Variants in SPAG9 observed in about 807,000 individuals in gnomAD.
SPAG9 encodes the protein C-Jun-amino-terminal kinase-interacting protein 4.
Under a neutral mutation model 166.5 loss-of-function variants are expected in SPAG9, and 35 were observed. The ratio of observed to expected loss-of-function variants is 0.21; its 90% CI spans 0.16 to 0.28. SPAG9 has a LOEUF of 0.28. Ranked by LOEUF, SPAG9 falls within the 10% of genes least tolerant of loss-of-function variation. SPAG9 has a pLI of 1.00. For missense variants in SPAG9, 1,235 were observed against 1,603.3 expected, an observed-to-expected ratio of 0.77 and a Z score of 3.92; for synonymous variants, 534 against 565.5, an observed-to-expected ratio of 0.94 and a Z score of 0.79.
At chr17:51,088,204 C>G (rs1047793748) in intron 1 of SPAG9, among the ~76,000 whole-genome samples, 3 of 152,168 alleles carry the variant, frequency 2.0e-5, no homozygotes, top group Admixed American at 6.5e-5. Flanking sequence ...AGTTAAGAGA[C>G]TAGGAAAAAG....
At chr17:51,058,842 C>T (rs1423445580) in intron 2 of SPAG9, among the ~76,000 whole-genome samples, 1 of 152,198 alleles carries the variant, frequency 6.6e-6, no homozygotes, top group Non-Finnish European at 1.5e-5. Context: ...TACACCGTAA[C>T]TTGGTATGCC....
chr17:50,995,670 T>C, intron 16 of SPAG9, 137 bp from the exon 17 acceptor site: 1 of 634,520 alleles, frequency 1.6e-6, no homozygotes, highest in Non-Finnish European at 2.8e-6. Context: ...TTTTTTGTTT[T>C]TTTGTTTTTT....
Position 50,985,707 on chromosome 17 carries a change from A to T in SPAG9, c.3011T>A (p.Leu1004His). Residue 1004 changes from leucine (L) to histidine (H), a missense_variant, in exon 23 of 30, where the codon CTC becomes CAC. By Grantham distance (99) the Leu-to-His change is moderately conservative. Transcript: ENST00000262013. ...CCAAAATAAAACTTACACAATACTGAGAATCGAATCTTTAAGTTTAATGGA... is the reference window on the plus strand; with the variant it reads ...CCAAAATAAAACTTACACAATACTGTGAATCGAATCTTTAAGTTTAATGGA... ...LHSIKLKDSI[L>H]SIVHVKGIVL... The T allele has an allele frequency of 6.3e-7, 1 of 1,585,892 alleles. No individual in the cohort carries two copies. Among genetic ancestry groups the T allele is most frequent in the Admixed American group, 1.7e-5 (1 of 59,670 alleles).
At chr17:51,012,847 A>T (rs1335818389) in intron 9 of SPAG9, among the ~76,000 whole-genome samples, 4 of 151,398 alleles carry the variant, frequency 2.6e-5, no homozygotes, top group African/African-American at 7.3e-5. Flanking sequence ...TCCCGGGTTC[A>T]AGCCATCCTC....
intron 11 of SPAG9, among the ~76,000 whole-genome samples, chr17:51,005,471 AAAT>A (rs1400957014): frequency 6.6e-6 from 1 of 152,224 alleles, no homozygotes; most frequent in Admixed American, 6.5e-5. Flanking sequence ...TGGGATAAAA[AAAT>A]AATGTTTTAA....
At chr17:51,066,617 G>GCAAA (rs2047678791) in intron 2 of SPAG9, among the ~76,000 whole-genome samples, 1 of 149,298 alleles carries the variant, frequency 6.7e-6, no homozygotes, top group Non-Finnish European at 1.5e-5. Flanking sequence ...AGCACTTTGG[G>GCAAA]AGGCCAAGGT....
intron 1 of SPAG9, among the ~76,000 whole-genome samples, chr17:51,095,946 T>G (rs1271009670): frequency 4.8e-4 from 29 of 60,382 alleles, no homozygotes; most frequent in African/African-American, 3.3e-3. Flanking sequence ...GTGATATAGT[T>G]ATATATATAG....
At chr17:51,029,806 G>A (rs2046321185) in intron 6 of SPAG9, among the ~76,000 whole-genome samples, 1 of 152,174 alleles carries the variant, frequency 6.6e-6, no homozygotes, top group Admixed American at 6.5e-5. Context: ...CAGAGTTTTA[G>A]ATTTGCAAGA....
intron 9 of SPAG9, chr17:51,009,038 A>C (rs2045346153): frequency 5.3e-6 from 2 of 374,788 alleles, no homozygotes. Flanking sequence ...AGTTGAGCAG[A>C]AAAAAATGAT....
chr17:51,031,474 T>G (rs2046382318), intron 6 of SPAG9: 1 of 562,568 alleles, frequency 1.8e-6, no homozygotes, highest in African/African-American at 1.9e-5. Context: ...TAAAAATGCT[T>G]ACTTTGGGGA....
chr17:50,977,790 G>A (rs1474835767), intron 26 of SPAG9, among the ~76,000 whole-genome samples: 1 of 152,100 alleles, frequency 6.6e-6, no homozygotes, highest in Non-Finnish European at 1.5e-5. Flanking sequence ...AGGCTGAGGT[G>A]GGAGGGTCAC....
intron 1 of SPAG9, among the ~76,000 whole-genome samples, chr17:51,101,442 C>A (rs2048805633): frequency 6.6e-6 from 1 of 150,874 alleles, no homozygotes; most frequent in Admixed American, 6.6e-5. Flanking sequence ...GTTTTGCCAT[C>A]ATCTGATGCC....
intron 6 of SPAG9, among the ~76,000 whole-genome samples, chr17:51,026,008 T>C (rs1323990271): frequency 6.6e-6 from 1 of 152,148 alleles, no homozygotes; most frequent in Non-Finnish European, 1.5e-5. Flanking sequence ...CTAGAGAATA[T>C]TGAGTTCATC....
In SPAG9 at chr17:50,987,189, T is replaced by C; in HGVS notation, c.2862A>G (p.Glu954=). 2 of 1,613,578 alleles carry C rather than the reference T, an allele frequency of 1.2e-6. No homozygotes were observed. The highest frequency in any genetic ancestry group is 1.7e-6 in the Non-Finnish European group (2 of 1,179,774). ...GGGCTTCTTCTCTCACCAAGTCTTG[T>C]TCATTTGGCAGTACTGATATTTGAT... is the stretch of plus-strand genomic sequence containing the variant. ...YKDQISVLPN[E]QDLVREEAQK... Residue 954 remains glutamate (E), a synonymous_variant, in exon 22 of 30, where the codon GAA becomes GAG. Transcript: ENST00000262013.
At chr17:50,980,059 C>T in intron 25 of SPAG9, 142 bp from the exon 26 acceptor site, 1 of 722,834 alleles carries the variant, frequency 1.4e-6, no homozygotes, top group East Asian at 2.7e-5. Context: ...CTTATATACA[C>T]AATTGTTTTC....
intron 1 of SPAG9, chr17:51,084,380 G>A (rs1254397147): frequency 6.6e-6 from 1 of 151,936 alleles, no homozygotes; most frequent in Non-Finnish European, 1.5e-5. Context: ...ATCTGGGAAA[G>A]TAACCAAAAA....
intron 1 of SPAG9, among the ~76,000 whole-genome samples, chr17:51,110,643 C>T (rs558758299): frequency 1.4e-4 from 22 of 152,122 alleles, no homozygotes; most frequent in African/African-American, 5.1e-4. Context: ...GAGCCAAGAT[C>T]GCACCACTGC....
intron 1 of SPAG9, among the ~76,000 whole-genome samples, chr17:51,081,859 T>C (rs1186287225): frequency 1.3e-5 from 2 of 152,188 alleles, no homozygotes; most frequent in Non-Finnish European, 2.9e-5. Flanking sequence ...TCTTACTTCT[T>C]TGACATCATC....
intron 9 of SPAG9, among the ~76,000 whole-genome samples, chr17:51,008,183 T>C (rs1226830799): frequency 6.6e-6 from 1 of 152,178 alleles, no homozygotes; most frequent in African/African-American, 2.4e-5. Flanking sequence ...TGTTCAGTTA[T>C]CACTTGAGTG....
Sources: gnomAD v4.1 joint callset for allele counts (sites outside exome capture counted in the v4.1 genomes callset) on GRCh38, gnomAD v4.1.1 for gene constraint, MANE v1.5 for transcripts, NCBI Gene and HGNC (gene_info 2026-07-23, HGNC 2026-07-21) for gene names.